Variants in FGFR2 observed in about 807,000 individuals in gnomAD.
FGFR2 encodes fibroblast growth factor receptor 2, also known as BEK fibroblast growth factor receptor.
A neutral mutation model predicts 95.9 loss-of-function variants in FGFR2; 19 were observed. That is an observed-to-expected ratio of 0.20 (90% confidence interval 0.14 to 0.29). The LOEUF is 0.29. FGFR2 is among the 10% of genes least tolerant of loss of function. FGFR2 has a pLI of 1.00. For missense variants in FGFR2, 707 were observed against 1,056.9 expected, an observed-to-expected ratio of 0.67 and a Z score of 4.59; for synonymous variants, 392 against 393.3, an observed-to-expected ratio of 1.00 and a Z score of 0.04.
chr10:121,592,649 G>C (rs569533745), intron 2 of FGFR2, among the ~76,000 whole-genome samples: 1 of 152,120 alleles, frequency 6.6e-6, no homozygotes, highest in African/African-American at 2.4e-5. Flanking sequence ...AGGAGGCTGG[G>C]CTCTCTGTCC....
intron 5 of FGFR2, among the ~76,000 whole-genome samples, chr10:121,547,545 C>T (rs188658456): frequency 7.9e-5 from 12 of 151,980 alleles, no homozygotes; most frequent in African/African-American, 2.7e-4. Flanking sequence ...CAGGTGAGCA[C>T]TACTACGCCC....
intron 6 of FGFR2, among the ~76,000 whole-genome samples, chr10:121,524,133 CACACACACACACA>C (rs1850972758): frequency 6.7e-6 from 1 of 149,280 alleles, no homozygotes; most frequent in Non-Finnish European, 1.5e-5. Context: ...CACACACACA[CACACACACACACA>C]CCCCAAGTTT....
At chr10:121,516,139 G>A (rs1358179200) in intron 8 of FGFR2, among the ~76,000 whole-genome samples, 3 of 151,904 alleles carry the variant, frequency 2.0e-5, no homozygotes, top group South Asian at 2.1e-4. Flanking sequence ...CTTAGTCCTC[G>A]ATGATCCATC....
intron 2 of FGFR2, among the ~76,000 whole-genome samples, chr10:121,578,649 C>T (rs1277489986): frequency 6.6e-6 from 1 of 152,262 alleles, no homozygotes; most frequent in African/African-American, 2.4e-5. Flanking sequence ...GTGGCTTACG[C>T]CTGTAATCCC....
Position 121,493,468 on chromosome 10 carries a change from C to G in FGFR2, c.1863+3064G>C, listed in dbSNP as rs116295052. ...CACCCGTGCTTCTCACCAGTCTGAGCGCCGAGGCTCTACTACCTGCCCCCT... is the reference window on the plus strand; with the variant it reads ...CACCCGTGCTTCTCACCAGTCTGAGGGCCGAGGCTCTACTACCTGCCCCCT... On this transcript the variant is annotated intron_variant, in intron 13 of 17. Coordinates refer to ENST00000358487, the MANE Select transcript of FGFR2 (RefSeq NM_000141.5). 3.6e-3 allele frequency among the ~76,000 whole-genome samples: 545 copies of G among 152,246 alleles called. 2 individuals are homozygous for G. Among genetic ancestry groups the G allele is most frequent in the African/African-American group, 0.013 (522 of 41,542 alleles).
At chr10:121,596,623 A>AG (rs2135522810) in intron 1 of FGFR2, 1 of 203,854 alleles carries the variant, frequency 4.9e-6, no homozygotes, top group Non-Finnish European at 1.0e-5. Flanking sequence ...GGTCAAGGCT[A>AG]GGGGGAAATT....
At chr10:121,541,522 C>T (rs568935303) in intron 5 of FGFR2, among the ~76,000 whole-genome samples, 23 of 152,178 alleles carry the variant, frequency 1.5e-4, no homozygotes, top group Admixed American at 4.6e-4. Flanking sequence ...ACTCTTCCGA[C>T]GTAATATATA....
chr10:121,529,926 C>T (rs1851877148), intron 6 of FGFR2, among the ~76,000 whole-genome samples: 1 of 152,166 alleles, frequency 6.6e-6, no homozygotes, highest in Non-Finnish European at 1.5e-5. Context: ...AGCTAGAGAG[C>T]TCTGCTCTAT....
chr10:121,518,007 C>A lies in FGFR2; in HGVS notation c.940-544G>T. On this transcript the variant is annotated intron_variant, in intron 7 of 17. Transcript: ENST00000358487. This position sits in a 1 kb window ranked among gnomAD's most constrained non-coding sequence, Gnocchi z 4.0. ...TTTACTTCTGCGATACCATCTTGCC[C>A]TACATAGCATTGACAAAAAGAAATG... 1 of 481,878 alleles carries A rather than the reference C, an allele frequency of 2.1e-6. No homozygotes were observed. The highest frequency in any genetic ancestry group is 4.0e-6 in the Non-Finnish European group (1 of 249,286). The allele number at this position is 481,878 out of a possible 1,614,324, so 29.9% of individuals were successfully genotyped here.
intron 13 of FGFR2, among the ~76,000 whole-genome samples, chr10:121,494,035 A>G (rs146948332): frequency 4.6e-4 from 70 of 151,820 alleles, no homozygotes; most frequent in Non-Finnish European, 8.4e-4. Context: ...TTTGGACCCA[A>G]CAGACCCTAG....
At chr10:121,578,560 A>G (rs1860307475) in intron 2 of FGFR2, among the ~76,000 whole-genome samples, 1 of 152,252 alleles carries the variant, frequency 6.6e-6, no homozygotes, top group Non-Finnish European at 1.5e-5. Flanking sequence ...CTCAGACTTT[A>G]CTGTGCGTAA....
In FGFR2 at chr10:121,562,532, C is replaced by T. The variant is rs201469549; in HGVS notation, c.454+1970G>A. ...AACTTTTGTTCCCAAGTGATCCACC[C>T]GCCTCGGCCTCACAAAGTGCTAGGA... is the stretch of plus-strand genomic sequence containing the variant. On this transcript the variant is annotated intron_variant, in intron 4 of 17. Transcript: ENST00000358487. Among the ~76,000 whole-genome samples, 26 of 152,212 alleles carry T rather than the reference C, an allele frequency of 1.7e-4. No individual in the cohort carries two copies. The East Asian group carries it at 4.6e-3, about 27-fold the overall frequency.
intron 4 of FGFR2, among the ~76,000 whole-genome samples, chr10:121,560,772 A>G (rs1856846726): frequency 6.6e-6 from 1 of 152,148 alleles, no homozygotes; most frequent in African/African-American, 2.4e-5. Flanking sequence ...TACGAACAAG[A>G]CCACTAACAG....
chr10:121,538,526 G>C (rs781054856), intron 6 of FGFR2, 66 bp downstream of exon 6: 1 of 1,609,760 alleles, frequency 6.2e-7, no homozygotes, highest in Non-Finnish European at 8.5e-7. Flanking sequence ...TAACGTTCAT[G>C]CTTTCAAACG....
At position 121,492,627 on chromosome 10, in the gene FGFR2, C is replaced by A. The variant is rs146097501; in HGVS notation, c.1863+3905G>T. Among the ~76,000 whole-genome samples the A allele has an allele frequency of 3.6e-3, 549 of 152,326 alleles. 2 individuals carry two copies. The highest frequency in any genetic ancestry group is 0.013 in the African/African-American group (526 of 41,580). On this transcript the variant is annotated intron_variant, in intron 13 of 17. Transcript: ENST00000358487. ...TGGGTGTGGGAAAGCCAGGGCCGGA[C>A]CCTTTGCCTGGTTCTTCATTCTCCA...
chr10:121,577,393 A>G (rs765633151), intron 2 of FGFR2, among the ~76,000 whole-genome samples: 14 of 151,866 alleles, frequency 9.2e-5, no homozygotes, highest in Non-Finnish European at 1.8e-4. Flanking sequence ...CTCCTCCGCT[A>G]AACAGGAAAA....
At chr10:121,490,239 A>G (rs936764209) in intron 13 of FGFR2, among the ~76,000 whole-genome samples, 1 of 135,944 alleles carries the variant, frequency 7.4e-6, no homozygotes, top group African/African-American at 2.8e-5. Context: ...TCTTGGCTCA[A>G]TGCAACCTCT....
At chr10:121,565,296 G>A in intron 3 of FGFR2, 142 bp downstream of exon 3, 1 of 1,020,266 alleles carries the variant, frequency 9.8e-7, no homozygotes, top group East Asian at 2.5e-5. Context: ...GGTGCACCAG[G>A]TCCCAAAGAA....
intron 10 of FGFR2, among the ~76,000 whole-genome samples, chr10:121,501,302 C>T (rs1042501558): frequency 3.3e-5 from 5 of 152,080 alleles, no homozygotes; most frequent in African/African-American, 9.7e-5. Context: ...AAAGAAAAAA[C>T]GTTAAGACTG....
Sources: allele counts gnomAD v4.1 joint callset (sites outside exome capture counted in the v4.1 genomes callset), GRCh38; gene constraint gnomAD v4.1.1; non-coding constraint Gnocchi (gnomAD v3.1); transcripts MANE v1.5; gene names NCBI Gene and HGNC (gene_info 2026-07-23, HGNC 2026-07-21).